The following PRKG1 variants were observed in gnomAD, a reference collection of about 807,000 sequenced individuals.
PRKG1 encodes cGMP-dependent protein kinase 1.
Under a neutral mutation model 88.1 loss-of-function variants are expected in PRKG1, and 35 were observed. That is an observed-to-expected ratio of 0.40 (90% CI 0.30 to 0.53). The LOEUF (loss-of-function observed/expected upper bound fraction) is 0.53. PRKG1 is among the 20% of genes least tolerant of loss of function. The pLI, the probability that PRKG1 is intolerant of heterozygous loss-of-function variation, is 0.59. For missense variants in PRKG1, 540 were observed against 839.8 expected (o/e 0.64, Z 4.41); for synonymous variants, 303 against 292.5 (o/e 1.04, Z -0.37).
chr10:51,913,102 T>C (rs1438892302), intron 5 of PRKG1, among the ~76,000 whole-genome samples: 1 of 152,174 alleles, frequency 6.6e-6, no homozygotes, highest in Non-Finnish European at 1.5e-5. Flanking sequence ...TTAATTTTTG[T>C]ATTTTTAGTA....
intron 3 of PRKG1, among the ~76,000 whole-genome samples, chr10:51,714,119 A>G (rs1841828792): frequency 1.3e-5 from 2 of 152,098 alleles, no homozygotes; most frequent in South Asian, 2.1e-4. Context: ...AGCTGGGACT[A>G]CAGGCGCCCG....
intron 2 of PRKG1, among the ~76,000 whole-genome samples, chr10:51,457,171 CA>C (rs1050570001): frequency 3.3e-5 from 5 of 152,098 alleles, no homozygotes; most frequent in African/African-American, 1.2e-4. Flanking sequence ...AATATGGAAC[CA>C]GCCTAAATGT....
chr10:51,660,957 A>G (rs1042744702), intron 3 of PRKG1, among the ~76,000 whole-genome samples: 4 of 152,102 alleles, frequency 2.6e-5, no homozygotes, highest in African/African-American at 7.2e-5. Flanking sequence ...GGAAATATAA[A>G]TGTTTTAAAT....
intron 4 of PRKG1, among the ~76,000 whole-genome samples, chr10:51,825,372 A>G (rs1839857988): frequency 6.6e-6 from 1 of 152,186 alleles, no homozygotes; most frequent in Admixed American, 6.5e-5. Flanking sequence ...ATGATGCAAG[A>G]GCAAAAAGAT....
Position 52,223,839 on chromosome 10 carries a change from T to A in PRKG1, c.1077-27731T>A, listed in dbSNP as rs1840312990. Among the ~76,000 whole-genome samples, 3 of 152,148 alleles carry A rather than the reference T, an allele frequency of 2.0e-5. No homozygotes were observed. In the South Asian group the frequency reaches 6.2e-4, roughly 31 times the overall value. ...ATTTCAGAATCATCCTTTTCTTTTT[T>A]CTTTCACTCACATCGTATCTTGGTC... On this transcript the variant is annotated intron_variant, in intron 9 of 17. Coordinates refer to ENST00000373980, the MANE Select transcript of PRKG1 (RefSeq NM_006258.4).
intron 2 of PRKG1, among the ~76,000 whole-genome samples, chr10:51,186,697 A>G (rs1189148489): frequency 6.6e-6 from 1 of 151,596 alleles, no homozygotes; most frequent in East Asian, 1.9e-4. Context: ...GTACATCCCC[A>G]CTACTTCTAC....
intron 4 of PRKG1, among the ~76,000 whole-genome samples, chr10:51,881,166 G>A (rs566931602): frequency 1.9e-4 from 29 of 152,076 alleles, no homozygotes; most frequent in East Asian, 5.8e-4. Context: ...AGAGTAGTGC[G>A]CATGAAGGGG....
At chr10:52,145,750 G>A (rs1296939558) in intron 8 of PRKG1, among the ~76,000 whole-genome samples, 1 of 152,154 alleles carries the variant, frequency 6.6e-6, no homozygotes, top group Non-Finnish European at 1.5e-5. Flanking sequence ...TACAGGCCCA[G>A]CTGGGTCATA....
intron 3 of PRKG1, among the ~76,000 whole-genome samples, chr10:51,492,846 C>T (rs1418229265): frequency 2.0e-5 from 3 of 151,968 alleles, no homozygotes; most frequent in African/African-American, 4.8e-5. Context: ...TTTGAATAAA[C>T]GTGCCATGAT....
chr10:51,229,881 T>G (rs1001039834), intron 2 of PRKG1, among the ~76,000 whole-genome samples: 4 of 144,818 alleles, frequency 2.8e-5, no homozygotes, highest in African/African-American at 1.1e-4. Flanking sequence ...GAGCCGTGTT[T>G]GTGCCACTGC....
chr10:52,039,198 A>G (rs1011114471), intron 5 of PRKG1, among the ~76,000 whole-genome samples: 2 of 152,120 alleles, frequency 1.3e-5, no homozygotes, highest in African/African-American at 2.4e-5. Flanking sequence ...AGGCGGACTG[A>G]GTCCGAAAAG....
intron 5 of PRKG1, among the ~76,000 whole-genome samples, chr10:52,045,862 G>T (rs961420789): frequency 3.3e-5 from 5 of 151,954 alleles, no homozygotes; most frequent in Non-Finnish European, 7.4e-5. Context: ...CACTCCTGGG[G>T]GCATGATGGT....
intron 2 of PRKG1, among the ~76,000 whole-genome samples, chr10:51,212,285 C>G (rs932989023): frequency 1.3e-5 from 2 of 151,836 alleles, no homozygotes; most frequent in African/African-American, 4.8e-5. Flanking sequence ...GAAACTGGAT[C>G]CCTTCCTTAC....
intron 3 of PRKG1, among the ~76,000 whole-genome samples, chr10:51,574,774 A>T (rs932131680): frequency 1.3e-5 from 2 of 151,996 alleles, no homozygotes; most frequent in African/African-American, 4.8e-5. Flanking sequence ...AACAGACTTT[A>T]TAGCCTTCTC....
chr10:51,504,687 G>A (rs907849440), intron 3 of PRKG1, among the ~76,000 whole-genome samples: 11 of 151,944 alleles, frequency 7.2e-5, no homozygotes, highest in Non-Finnish European at 1.2e-4. Flanking sequence ...GGTCCTTCAT[G>A]TCCCTTGGAA....
At chr10:52,156,904 C>A (rs372304922) in intron 8 of PRKG1, among the ~76,000 whole-genome samples, 2 of 151,450 alleles carry the variant, frequency 1.3e-5, no homozygotes, top group Admixed American at 6.6e-5. Flanking sequence ...AACGGTATAG[C>A]CTGTGAAATT....
intron 3 of PRKG1, among the ~76,000 whole-genome samples, chr10:51,629,225 T>C (rs1839462067): frequency 6.6e-6 from 1 of 152,138 alleles, no homozygotes; most frequent in African/African-American, 2.4e-5. Context: ...GTAATTGCTC[T>C]AAAGCAGTGT....
chr10:51,370,975 G>A (rs1329491143), intron 2 of PRKG1, among the ~76,000 whole-genome samples: 1 of 151,952 alleles, frequency 6.6e-6, no homozygotes, highest in Non-Finnish European at 1.5e-5. Flanking sequence ...TTTAAACTTT[G>A]TGTGCCCTAC....
intron 5 of PRKG1, among the ~76,000 whole-genome samples, chr10:51,977,916 C>T (rs1422044736): frequency 6.6e-6 from 1 of 151,768 alleles, no homozygotes; most frequent in African/African-American, 2.4e-5. Flanking sequence ...CCCATTCTGT[C>T]GGTTGTCTGT....
Sources: allele counts gnomAD v4.1 joint callset (sites outside exome capture counted in the v4.1 genomes callset), GRCh38; gene constraint gnomAD v4.1.1; transcripts MANE v1.5; gene names NCBI Gene and HGNC (gene_info 2026-07-23, HGNC 2026-07-21).